Variants in GULP1 observed in about 807,000 individuals in gnomAD.
GULP1 encodes PTB domain-containing engulfment adapter protein 1.
A neutral mutation model predicts 40.9 loss-of-function variants in GULP1; 19 were observed. The ratio of observed to expected loss-of-function variants is 0.46; its 90% CI spans 0.32 to 0.68. The LOEUF is 0.68. Ranked by LOEUF, GULP1 falls within the 30% of genes least tolerant of loss-of-function variation. The pLI is 0.03. For missense variants in GULP1, 312 were observed against 362.2 expected (o/e 0.86, Z 1.12); for synonymous variants, 119 against 117.6 (o/e 1.01, Z -0.08).
intron 1 of GULP1, among the ~76,000 whole-genome samples, chr2:188,377,154 A>G (rs1290352814): frequency 2.6e-5 from 4 of 152,020 alleles, no homozygotes; most frequent in Non-Finnish European, 5.9e-5. Flanking sequence ...CCTGGGCAAC[A>G]GAGCGAGACT....
In GULP1 at chr2:188,353,198, A is replaced by G. The variant is rs1274899095; in HGVS notation, c.-171-30565A>G. Among the ~76,000 whole-genome samples, 3 of 152,204 alleles carry G rather than the reference A, an allele frequency of 2.0e-5. No homozygotes were observed. The East Asian group carries it at 5.8e-4, about 29-fold the overall frequency. ...GAAAAGACTTGGTAGGGATAAGGAA[A>G]ACAAATCTGTAGTAGAAAATACTAA... On this transcript the variant is annotated intron_variant, in intron 1 of 11. Transcript: ENST00000409830.
chr2:188,552,897 G>C (rs959326836), intron 7 of GULP1, among the ~76,000 whole-genome samples: 1 of 149,748 alleles, frequency 6.7e-6, no homozygotes, highest in South Asian at 2.1e-4. Context: ...ACATATATGT[G>C]TTTATCTCTC....
At chr2:188,462,526 C>A (rs547990636) in intron 2 of GULP1, among the ~76,000 whole-genome samples, 1 of 152,232 alleles carries the variant, frequency 6.6e-6, no homozygotes, top group East Asian at 1.9e-4. Context: ...GCGTTGAAGT[C>A]TCCCGCTATT....
At chr2:188,322,046 A>T (rs545825395) in intron 1 of GULP1, among the ~76,000 whole-genome samples, 3 of 152,112 alleles carry the variant, frequency 2.0e-5, no homozygotes, top group African/African-American at 7.2e-5. Flanking sequence ...AAATAAATAA[A>T]TGAATAAAAT....
chr2:188,419,937 A>G (rs956208605), intron 2 of GULP1, among the ~76,000 whole-genome samples: 4 of 152,070 alleles, frequency 2.6e-5, no homozygotes, highest in Non-Finnish European at 5.9e-5. Context: ...AGTTTTCTCA[A>G]CACCATTTGT....
intron 1 of GULP1, among the ~76,000 whole-genome samples, chr2:188,354,915 A>G (rs1039874575): frequency 9.2e-5 from 14 of 152,200 alleles, no homozygotes; most frequent in African/African-American, 1.9e-4. Flanking sequence ...GTACAAATAC[A>G]TGGAATTTGA....
chr2:188,401,509 T>C (rs2152644887), intron 2 of GULP1, among the ~76,000 whole-genome samples: 2 of 152,258 alleles, frequency 1.3e-5, no homozygotes, highest in Middle Eastern at 3.4e-3. Context: ...ACATATAATG[T>C]ACCTGAAATT....
intron 6 of GULP1, among the ~76,000 whole-genome samples, chr2:188,540,418 TAA>T (rs1009928149): frequency 1.1e-4 from 14 of 128,568 alleles, no homozygotes; most frequent in Admixed American, 8.0e-4. Flanking sequence ...TTCTATTTTA[TAA>T]GTTTTATAAT....
At chr2:188,476,351 A>C (rs73040495) in intron 2 of GULP1, among the ~76,000 whole-genome samples, 1,935 of 152,202 alleles carry the variant, frequency 0.013, 40 homozygotes, top group African/African-American at 0.044. Flanking sequence ...TCGTGAATTT[A>C]TCTCTAACAG....
intron 1 of GULP1, among the ~76,000 whole-genome samples, chr2:188,373,494 G>A (rs565480594): frequency 1.0e-3 from 157 of 151,982 alleles, no homozygotes; most frequent in Middle Eastern, 6.8e-3. Context: ...ATAAAATAAG[G>A]TTGGATTTAC....
chr2:188,564,882 T>C (rs901717406), intron 7 of GULP1, among the ~76,000 whole-genome samples: 11 of 151,978 alleles, frequency 7.2e-5, no homozygotes, highest in Admixed American at 6.5e-5. Flanking sequence ...TTGTAGAGTT[T>C]AGAAATATCC....
chr2:188,363,569 T>G (rs1474004922), intron 1 of GULP1, among the ~76,000 whole-genome samples: 1 of 152,100 alleles, frequency 6.6e-6, no homozygotes, highest in Admixed American at 6.5e-5. Flanking sequence ...AGTGTAGGAA[T>G]GAATGAAGTG....
intron 2 of GULP1, chr2:188,466,585 A>G (rs1271290637): frequency 6.7e-6 from 1 of 149,660 alleles, no homozygotes; most frequent in Non-Finnish European, 1.5e-5. Context: ...GCTGTTTTTT[A>G]TCTATCTCTA....
intron 4 of GULP1, among the ~76,000 whole-genome samples, chr2:188,490,579 A>G (rs1444500887): frequency 6.6e-6 from 1 of 152,080 alleles, no homozygotes; most frequent in Admixed American, 6.6e-5. Flanking sequence ...CAGGGGCCAC[A>G]TGTCTAAGCT....
In GULP1 at chr2:188,594,078, ACT is replaced by A. The variant is rs1246295970; in HGVS notation, c.*68_*69del. On this transcript the variant is annotated 3_prime_UTR_variant, in exon 12 of 12. Transcript: ENST00000409830. The stretch of plus-strand genomic sequence containing the variant: ...TATACACATGTCATTTATTATTATT[ACT>A]TTAAGATAGGTATTATTCATGTGTC... 4.8e-6 allele frequency: 4 copies of A among 833,004 alleles called. No individual in the cohort carries two copies. In the African/African-American group the frequency reaches 6.7e-5, roughly 14 times the overall value. The allele number at this position is 833,004 out of a possible 1,614,324, so 51.6% of individuals were successfully genotyped here.
chr2:188,405,343 A>G (rs993357586), intron 2 of GULP1, among the ~76,000 whole-genome samples: 1 of 152,040 alleles, frequency 6.6e-6, no homozygotes, highest in South Asian at 2.1e-4. Flanking sequence ...CAGGTCAGCT[A>G]TAGGCTCTAG....
At position 188,595,298 on chromosome 2, in the gene GULP1, T is replaced by C. The variant is rs1052381401; in HGVS notation, c.*1287T>C. 14 of 151,910 alleles carry C rather than the reference T, an allele frequency of 9.2e-5. No individual in the cohort carries two copies. Among genetic ancestry groups the C allele is most frequent in the African/African-American group, 3.4e-4 (14 of 41,558 alleles). The allele number at this position is 151,910 out of a possible 1,614,324, so 9.4% of individuals were successfully genotyped here. A position where few individuals can be genotyped will look rare whatever the true frequency, so the allele number is the denominator to read the frequency against. ...TAAATAAATTAAATTAATGAAAATGTGACTTAGAGTAGGGGTAGCCCTCAA... is the reference window on the plus strand; with the variant it reads ...TAAATAAATTAAATTAATGAAAATGCGACTTAGAGTAGGGGTAGCCCTCAA... On this transcript the variant is annotated 3_prime_UTR_variant, in exon 12 of 12. Coordinates refer to ENST00000409830, the MANE Select transcript of GULP1 (RefSeq NM_016315.4).
intron 1 of GULP1, among the ~76,000 whole-genome samples, chr2:188,374,158 A>G (rs534493980): frequency 1.3e-5 from 2 of 152,206 alleles, no homozygotes; most frequent in South Asian, 4.1e-4. Flanking sequence ...ACAATAACAA[A>G]TGTCTTTAAA....
At chr2:188,401,213 A>G (rs1448975917) in intron 2 of GULP1, among the ~76,000 whole-genome samples, 1 of 152,144 alleles carries the variant, frequency 6.6e-6, no homozygotes, top group African/African-American at 2.4e-5. Flanking sequence ...GAATTAAATA[A>G]TGACATATAG....
Sources: allele counts gnomAD v4.1 joint callset (sites outside exome capture counted in the v4.1 genomes callset), GRCh38; gene constraint gnomAD v4.1.1; transcripts MANE v1.5; gene names NCBI Gene and HGNC (gene_info 2026-07-23, HGNC 2026-07-21).